SCN8A: variants seen among roughly 807,000 people sequenced by gnomAD.
SCN8A encodes sodium voltage-gated channel alpha subunit 8.
SCN8A carries 30 observed loss-of-function variants against 184.1 expected under a neutral mutation model. That is an observed-to-expected ratio of 0.16 (90% confidence interval 0.12 to 0.22). The LOEUF (loss-of-function observed/expected upper bound fraction) is 0.22, where lower values mean the gene tolerates loss of function less well. Ranked by LOEUF, SCN8A falls within the 10% of genes least tolerant of loss-of-function variation. SCN8A has a pLI of 1.00. For synonymous variants in SCN8A, 852 were observed against 907.0 expected (o/e 0.94, Z 1.09); for missense variants, 1,057 against 2,498.9 (o/e 0.42, Z 12.30).
intron 25 of SCN8A, among the ~76,000 whole-genome samples, chr12:51,793,617 A>G (rs189892907): frequency 8.2e-4 from 125 of 152,304 alleles, no homozygotes; most frequent in African/African-American, 2.6e-3. Context: ...AGATGAGACC[A>G]AAAAAGGAGC....
chr12:51,717,180 C>T (rs1424545079), intron 11 of SCN8A, among the ~76,000 whole-genome samples: 2 of 152,192 alleles, frequency 1.3e-5, no homozygotes, highest in Non-Finnish European at 2.9e-5. Context: ...GTAACGAACT[C>T]TTCTTTCAAA....
Position 51,746,027 on chromosome 12 carries a change from T to G in SCN8A, c.2123T>G (p.Leu708Arg), listed in dbSNP as rs758110654. The G allele has an allele frequency of 3.7e-6, 6 of 1,605,362 alleles. No individual in the cohort carries two copies. The highest frequency in any genetic ancestry group is 5.1e-6 in the Non-Finnish European group (6 of 1,176,604). The change falls in exon 13 of 27, where the codon CTA becomes CGA. Residue 708 changes from leucine (L) to arginine (R), a missense_variant. Transcript: ENST00000627620. ...ATAATGAGTGTTGTTACAAATACAC[T>G]AGTAGAAGGTATGTGCCCTATAATG... is the stretch of plus-strand genomic sequence containing the variant. ...NSIMSVVTNTLVEELEESQRK... is the reference protein window; with the variant it reads ...NSIMSVVTNTRVEELEESQRK...
chr12:51,677,573 G>T (rs1242003288), intron 2 of SCN8A, among the ~76,000 whole-genome samples: 3 of 152,118 alleles, frequency 2.0e-5, no homozygotes, highest in Non-Finnish European at 4.4e-5. Flanking sequence ...ACCTGGCCTT[G>T]CACGGTGTTC....
chr12:51,713,977 T>G (rs1385921569), intron 11 of SCN8A, among the ~76,000 whole-genome samples: 2 of 143,784 alleles, frequency 1.4e-5, no homozygotes, highest in Non-Finnish European at 1.5e-5. Flanking sequence ...AAAAAAAGGG[T>G]TTTTTTTTTT....
chr12:51,767,932 C>T (rs904859921), intron 16 of SCN8A, among the ~76,000 whole-genome samples: 2 of 152,290 alleles, frequency 1.3e-5, no homozygotes, highest in East Asian at 1.9e-4. Context: ...ATTCAGATCC[C>T]TCAGCCTGGC....
intron 26 of SCN8A, among the ~76,000 whole-genome samples, chr12:51,798,753 C>A (rs761085901): frequency 2.0e-5 from 3 of 152,220 alleles, no homozygotes; most frequent in Non-Finnish European, 4.4e-5. Context: ...GCTGAGGTCA[C>A]CCTTTGGTAA....
intron 2 of SCN8A, among the ~76,000 whole-genome samples, chr12:51,676,777 G>C (rs1941229470): frequency 2.0e-5 from 3 of 152,132 alleles, no homozygotes; most frequent in Admixed American, 2.0e-4. Flanking sequence ...CCCTCTTGTT[G>C]ATTAGCTAAA....
intron 1 of SCN8A, among the ~76,000 whole-genome samples, chr12:51,642,400 C>T (rs1940475166): frequency 6.6e-6 from 1 of 152,136 alleles, no homozygotes; most frequent in South Asian, 2.1e-4. Context: ...TAAGGAAATG[C>T]TCTGTAAATG....
chr12:51,777,892 G>A (rs1354806205), intron 20 of SCN8A, among the ~76,000 whole-genome samples: 1 of 152,222 alleles, frequency 6.6e-6, no homozygotes, highest in Non-Finnish European at 1.5e-5. Context: ...GTACTTGGTT[G>A]AGAAAGAATA....
At chr12:51,792,398 C>T (rs75068758) in intron 25 of SCN8A, among the ~76,000 whole-genome samples, 3,936 of 141,700 alleles carry the variant, frequency 0.028, 171 homozygotes, top group African/African-American at 0.093. Flanking sequence ...GAGAGGATGG[C>T]GTGAGTCCAG....
At chr12:51,805,372 C>A (rs1938669954) in intron 26 of SCN8A, among the ~76,000 whole-genome samples, 1 of 151,980 alleles carries the variant, frequency 6.6e-6, no homozygotes, top group African/African-American at 2.4e-5. Flanking sequence ...TTGCTTGAAC[C>A]CAGGCATTCA....
At chr12:51,758,043 G>T (rs1457993034) in intron 14 of SCN8A, among the ~76,000 whole-genome samples, 2 of 152,178 alleles carry the variant, frequency 1.3e-5, no homozygotes, top group Admixed American at 6.5e-5. Flanking sequence ...TACTTGGGAG[G>T]CTGAGGCAGG....
chr12:51,642,097 A>G (rs1940469025), intron 1 of SCN8A, among the ~76,000 whole-genome samples: 1 of 152,048 alleles, frequency 6.6e-6, no homozygotes, highest in Non-Finnish European at 1.5e-5. Flanking sequence ...ACATTCCTAG[A>G]TTGCTCCTTC....
intron 25 of SCN8A, among the ~76,000 whole-genome samples, chr12:51,791,703 C>G (rs1271490067): frequency 6.6e-6 from 1 of 152,026 alleles, no homozygotes; most frequent in Non-Finnish European, 1.5e-5. Context: ...AATGAGACCC[C>G]ATCTCTACAA....
intron 10 of SCN8A, 35 bp from the exon 11 acceptor site, chr12:51,706,387 C>T (rs1941783312): frequency 6.7e-7 from 1 of 1,499,058 alleles, no homozygotes. Flanking sequence ...GTTAATTGCC[C>T]TGGTCTGGCT....
chr12:51,693,106 C>G (rs1941538256), intron 6 of SCN8A, among the ~76,000 whole-genome samples: 1 of 152,168 alleles, frequency 6.6e-6, no homozygotes, highest in Admixed American at 6.5e-5. Context: ...TTTCTTTTTC[C>G]CATCCCAGTA....
chr12:51,650,371 A>G (rs942535715), intron 1 of SCN8A, among the ~76,000 whole-genome samples: 1 of 152,108 alleles, frequency 6.6e-6, no homozygotes, highest in Non-Finnish European at 1.5e-5. Flanking sequence ...ACTGGTGCCA[A>G]TTTACTGTAT....
intron 1 of SCN8A, among the ~76,000 whole-genome samples, chr12:51,608,371 C>CT (rs1209788034): frequency 1.1e-4 from 16 of 150,966 alleles, no homozygotes; most frequent in Non-Finnish European, 1.8e-4. Context: ...TGGTCCTGGA[C>CT]TTTTTTTTTA....
At chr12:51,647,780 C>T (rs2138645287) in intron 1 of SCN8A, among the ~76,000 whole-genome samples, 1 of 152,180 alleles carries the variant, frequency 6.6e-6, no homozygotes, top group Non-Finnish European at 1.5e-5. Context: ...AAGGGAGGAG[C>T]CCAGGGAGTG....
Sources: gnomAD v4.1 joint callset for allele counts (sites outside exome capture counted in the v4.1 genomes callset) on GRCh38, gnomAD v4.1.1 for gene constraint, MANE v1.5 for transcripts, NCBI Gene and HGNC (gene_info 2026-07-23, HGNC 2026-07-21) for gene names.